COL6A3: variants seen among roughly 807,000 people sequenced by gnomAD.
COL6A3 encodes the protein collagen type VI alpha 3 chain.
In COL6A3, 137 loss-of-function variants were observed where a neutral mutation model predicts 274.1. The observed-to-expected ratio is 0.50, with a 90% confidence interval of 0.44 to 0.58. The LOEUF (loss-of-function observed/expected upper bound fraction) is 0.58, where lower values mean the gene tolerates loss of function less well. Among genes scored for constraint, COL6A3 ranks in the 20% least tolerant of loss-of-function variants. COL6A3 has a pLI of 0.00. For missense variants in COL6A3, 3,950 were observed against 4,124.9 expected, an observed-to-expected ratio of 0.96 and a Z score of 1.16; for synonymous variants, 1,650 against 1,650.6, an observed-to-expected ratio of 1.00 and a Z score of 0.01.
rs928706699 is a variant in COL6A3, at chr2:237,381,392, T to C, written c.1420A>G (p.Arg474Gly). The C allele has an allele frequency of 4.3e-6, 7 of 1,613,988 alleles. No homozygotes were observed. The African/African-American group carries it at 9.3e-5, about 22-fold the overall frequency. The change falls in exon 5 of 44, where the codon AGG becomes GGG. Residue 474 changes from arginine (R) to glycine (G), a missense_variant. This residue lies in a region of COL6A3 where 1,934 missense variants were observed against 1,984.3 expected (regional missense o/e 0.97). Coordinates refer to ENST00000295550, the MANE Select transcript of COL6A3 (RefSeq NM_004369.4). ...ATAAGATCCTGTCCGATTTCCAGCC[T>C]CTGGATGACTTTAGCAATGAAGTCT... ...IRDFIAKVIQ[R>G]LEIGQDLIQV... is the part of the protein sequence containing the mutation.
At position 237,378,627 on chromosome 2, in the gene COL6A3, G is replaced by T. The variant is rs774198344; in HGVS notation, c.2497+9C>A. The T allele has an allele frequency of 1.9e-5, 31 of 1,612,254 alleles. No homozygotes were observed. The highest frequency in any genetic ancestry group is 2.2e-4 in the Middle Eastern group (1 of 4,568). On this transcript the variant is annotated intron_variant, in intron 6 of 43. Coordinates refer to ENST00000295550, the MANE Select transcript of COL6A3 (RefSeq NM_004369.4). Reference sequence around the variant, plus strand: ...GGAGAGGGAGTTCCCGGCAACAGGGGAGGTTTACCTGGCTGAGCGAGTGGT... The same window carrying T: ...GGAGAGGGAGTTCCCGGCAACAGGGTAGGTTTACCTGGCTGAGCGAGTGGT...
In COL6A3 at chr2:237,374,773, G is replaced by A. The variant is rs1200436620; in HGVS notation, c.3318C>T (p.Pro1106=). ...CAAACTCCAGGGCGGCCCCGGTGTTGGGGGTCGGCCCTCCCAGCAGGGTCA... is the reference window on the plus strand; with the variant it reads ...CAAACTCCAGGGCGGCCCCGGTGTTAGGGGTCGGCCCTCCCAGCAGGGTCA... ...RQLTLLGGPT[P]NTGAALEFVL... Residue 1106 remains proline (P), a synonymous_variant, in exon 8 of 44, where the codon CCC becomes CCT. Transcript: ENST00000295550. This position sits in a 1 kb window ranked among gnomAD's most constrained non-coding sequence, Gnocchi z 4.8. 1 of 1,613,976 alleles carries A rather than the reference G, an allele frequency of 6.2e-7. No homozygotes were observed. The highest frequency in any genetic ancestry group is 2.2e-5 in the East Asian group (1 of 44,856).
chr2:237,398,877 C>T (rs987891389), intron 1 of COL6A3, among the ~76,000 whole-genome samples: 2 of 152,108 alleles, frequency 1.3e-5, no homozygotes, highest in African/African-American at 4.8e-5. Flanking sequence ...GTTATTAAAC[C>T]GCTGTTTTGG....
Position 237,324,873 on chromosome 2 carries a change from A to G in COL6A3, c.9494-59T>C, listed in dbSNP as rs113696317. On this transcript the variant is annotated intron_variant, in intron 43 of 43. Transcript: ENST00000295550. ...GTGAGGAGCCGAGAGAAGAGAGGAA[A>G]AGCCACATTACTGACCCAAAAGGGC... is the stretch of plus-strand genomic sequence containing the variant. The G allele has an allele frequency of 1.2e-3, 1,850 of 1,575,446 alleles. 7 individuals carry two copies. The highest frequency in any genetic ancestry group is 9.4e-3 in the African/African-American group (698 of 74,428).
rs555406717 is a variant in COL6A3 at position 237,365,758 on chromosome 2, C to T, written c.5778G>A (p.Thr1926=). 12 of 1,614,186 alleles carry T rather than the reference C, an allele frequency of 7.4e-6. No homozygotes were observed. Among genetic ancestry groups the T allele is most frequent in the East Asian group, 6.7e-5 (3 of 44,872 alleles). Residue 1926 remains threonine, a synonymous_variant, in exon 12 of 44, where the codon ACG becomes ACA. Coordinates refer to ENST00000295550, the MANE Select transcript of COL6A3 (RefSeq NM_004369.4). ...NMRSQHPYVL[T]EDTLKVYLNK... The stretch of plus-strand genomic sequence containing the variant: ...TCAGGTAGACCTTCAGGGTGTCCTC[C>T]GTGAGGACGTAGGGGTGCTGGCTGC...
intron 23 of COL6A3, chr2:237,355,313 C>T (rs2077294938): frequency 8.8e-6 from 2 of 228,468 alleles, no homozygotes; most frequent in South Asian, 2.2e-4. Context: ...CTTCCACCTT[C>T]CCAACTGTAC....
chr2:237,386,337 G>T (rs1041465734), intron 4 of COL6A3: 1 of 152,058 alleles, frequency 6.6e-6, no homozygotes, highest in African/African-American at 2.4e-5. Context: ...TCATACAATG[G>T]CATATTCTCC....
intron 13 of COL6A3, among the ~76,000 whole-genome samples, chr2:237,363,879 T>G (rs2106346664): frequency 6.6e-6 from 1 of 152,334 alleles, no homozygotes; most frequent in South Asian, 2.1e-4. Flanking sequence ...TAGTCAAAGA[T>G]CACATCTGAT....
Position 237,374,841 on chromosome 2 carries a change from A to C in COL6A3, c.3250T>G (p.Ser1084Ala). The C allele has an allele frequency of 1.9e-6, 3 of 1,613,922 alleles. No individual in the cohort carries two copies. The highest frequency in any genetic ancestry group is 3.3e-5 in the Admixed American group (2 of 60,006). Residue 1084 changes from serine (S) to alanine (A), a missense_variant, in exon 8 of 44, where the codon TCA becomes GCA. Around this residue, in one of 5 missense-constraint regions of COL6A3, gnomAD observed 1,934 missense variants for 1,984.3 expected, o/e 0.97. Coordinates refer to ENST00000295550, the MANE Select transcript of COL6A3 (RefSeq NM_004369.4). The surrounding 1 kb of genome is among the most constrained non-coding windows in gnomAD (Gnocchi z 4.8). ...ACGACGTCCTGCTTGTTCATGTATGAATTCAGGTAGAACTCGGGCCTGGTC... is the reference window on the plus strand; with the variant it reads ...ACGACGTCCTGCTTGTTCATGTATGCATTCAGGTAGAACTCGGGCCTGGTC... ...DRTRPEFYLN[S>A]YMNKQDVVNA...
intron 5 of COL6A3, 84 bp downstream of exon 5, chr2:237,380,831 A>C: frequency 7.9e-7 from 1 of 1,266,912 alleles, no homozygotes; most frequent in East Asian, 2.4e-5. Flanking sequence ...TTAGCTAAAC[A>C]CAAACACACT....
At chr2:237,397,759 A>G (rs2078487636) in intron 1 of COL6A3, among the ~76,000 whole-genome samples, 1 of 152,234 alleles carries the variant, frequency 6.6e-6, no homozygotes. Context: ...TCTTTTTCAA[A>G]TTACTAATGA....
chr2:237,357,440 T>A, intron 22 of COL6A3, 49 bp from the exon 23 acceptor site: 1 of 1,510,948 alleles, frequency 6.6e-7, no homozygotes, highest in Admixed American at 1.7e-5. Context: ...GAGAAGAATG[T>A]CTAGCTCTGA....
At chr2:237,348,585 G>T in intron 29 of COL6A3, 28 bp downstream of exon 29, 4 of 1,609,840 alleles carry the variant, frequency 2.5e-6, no homozygotes, top group Non-Finnish European at 3.4e-6. Context: ...CAGCAAGGAC[G>T]CTTGGATAAT....
intron 24 of COL6A3, among the ~76,000 whole-genome samples, chr2:237,354,269 C>T (rs931001391): frequency 1.5e-4 from 23 of 152,106 alleles, no homozygotes; most frequent in African/African-American, 4.6e-4. Context: ...CCGCCTGTCT[C>T]AGCCTCCCAG....
At position 237,413,969 on chromosome 2, in the gene COL6A3, A is replaced by G. The variant is rs2078917396; in HGVS notation, c.-47T>C. On this transcript the variant is annotated 5_prime_UTR_variant, in exon 1 of 44. Transcript: ENST00000295550. This position sits in a 1 kb window ranked among gnomAD's most constrained non-coding sequence, Gnocchi z 4.0. ...CACACTTACCCCTGAGCAAACCTGA[A>G]GGCGTGTGTCCCTGGGCTCCTCGAT... 6.6e-6 allele frequency: 1 copy of G among 152,220 alleles called. No individual in the cohort carries two copies. Among genetic ancestry groups the G allele is most frequent in the Non-Finnish European group, 1.5e-5 (1 of 68,040 alleles). The allele number at this position is 152,220 out of a possible 1,614,324, so 9.4% of individuals were successfully genotyped here.
chr2:237,337,886 G>T (rs113295526), intron 39 of COL6A3, among the ~76,000 whole-genome samples: 1 of 148,146 alleles, frequency 6.8e-6, no homozygotes, highest in South Asian at 2.1e-4. Flanking sequence ...CACCCCTCCC[G>T]TCAGTCTTCA....
rs367657358 is a variant in COL6A3, at chr2:237,364,710, C to T, written c.5839-282G>A. Among the ~76,000 whole-genome samples the T allele has an allele frequency of 2.1e-4, 32 of 151,284 alleles. No individual in the cohort carries two copies. The East Asian group carries it at 3.7e-3, about 18-fold the overall frequency. ...TCATATTTCTAAGATGTAGTTTCTG[C>T]GAATCATATGCATATGTGTGCATGC... On this transcript the variant is annotated intron_variant, in intron 12 of 43. Coordinates refer to ENST00000295550, the MANE Select transcript of COL6A3 (RefSeq NM_004369.4). The surrounding 1 kb of genome is among the most constrained non-coding windows in gnomAD (Gnocchi z 4.6).
Position 237,381,209 on chromosome 2 carries a change from T to C in COL6A3, c.1603A>G (p.Asn535Asp). Reference protein sequence around the residue: ...TGSALDFVRNNLFTSSAGYRA... With the variant: ...TGSALDFVRNDLFTSSAGYRA... ...TAGCCGGCTGAACTCGTGAATAGGTTGTTACGAACAAAGTCTAGAGCAGAG... is the reference window on the plus strand; with the variant it reads ...TAGCCGGCTGAACTCGTGAATAGGTCGTTACGAACAAAGTCTAGAGCAGAG... Residue 535 changes from asparagine (N) to aspartate (D), a missense_variant, in exon 5 of 44, where the codon AAC (asparagine) becomes GAC (aspartate). Asn to Asp is a conservative substitution (Grantham distance 23, BLOSUM62 1). Around this residue, in one of 5 missense-constraint regions of COL6A3, gnomAD observed 1,934 missense variants for 1,984.3 expected, o/e 0.97. Coordinates refer to ENST00000295550, the MANE Select transcript of COL6A3 (RefSeq NM_004369.4). The C allele has an allele frequency of 6.2e-7, 1 of 1,614,244 alleles. No individual in the cohort carries two copies. Among genetic ancestry groups the C allele is most frequent in the Middle Eastern group, 1.6e-4 (1 of 6,062 alleles).
chr2:237,371,942 G>A lies in COL6A3; in HGVS notation c.4075C>T (p.Leu1359Phe). The change falls in exon 9 of 44, where the codon CTC becomes TTC. Residue 1359 changes from leucine to phenylalanine, a missense_variant. Physicochemically the swap from Leu to Phe is conservative, Grantham distance 22. Around this residue, in one of 5 missense-constraint regions of COL6A3, gnomAD observed 1,934 missense variants for 1,984.3 expected, o/e 0.97. Coordinates refer to ENST00000295550, the MANE Select transcript of COL6A3 (RefSeq NM_004369.4). This position sits in a 1 kb window ranked among gnomAD's most constrained non-coding sequence, Gnocchi z 4.3. ...DDEVDDPAVELKQFGVAPFTI... is the reference protein window; with the variant it reads ...DDEVDDPAVEFKQFGVAPFTI... ...AAAGGGGCCACGCCAAACTGCTTGA[G>A]CTCCACCGCCGGGTCGTCCACCTCA... The A allele has an allele frequency of 6.2e-7, 1 of 1,614,056 alleles. No homozygotes were observed. Among genetic ancestry groups the A allele is most frequent in the South Asian group, 1.1e-5 (1 of 91,074 alleles).
Sources: gnomAD v4.1 joint callset for allele counts (sites outside exome capture counted in the v4.1 genomes callset) on GRCh38, gnomAD v4.1.1 for gene constraint, gnomAD v4.1.1 regional missense constraint, Gnocchi (gnomAD v3.1) non-coding constraint, MANE v1.5 for transcripts, NCBI Gene and HGNC (gene_info 2026-07-23, HGNC 2026-07-21) for gene names.